The following ACSS3 variants were observed in gnomAD, a reference collection of about 807,000 sequenced individuals.
ACSS3 encodes the protein acyl-CoA synthetase short-chain family member 3, mitochondrial.
In ACSS3, 64 loss-of-function variants were observed where a neutral mutation model predicts 84.2. The observed-to-expected ratio is 0.76, with a 90% confidence interval of 0.62 to 0.94. The LOEUF is 0.94. Among genes scored for constraint, ACSS3 ranks in the 40% least tolerant of loss-of-function variants. The pLI, the probability that ACSS3 is intolerant of heterozygous loss-of-function variation, is 0.00. For synonymous variants in ACSS3, 317 were observed against 310.1 expected (o/e 1.02, Z -0.23); for missense variants, 815 against 867.6 (o/e 0.94, Z 0.76).
chr12:81,171,863 T>A (rs1286293113), intron 7 of ACSS3, among the ~76,000 whole-genome samples: 2 of 152,148 alleles, frequency 1.3e-5, no homozygotes, highest in East Asian at 3.9e-4. Flanking sequence ...CAGGGCTACA[T>A]GGTATAGTCT....
chr12:81,129,829 A>G (rs1454953472), intron 2 of ACSS3, among the ~76,000 whole-genome samples: 2 of 127,262 alleles, frequency 1.6e-5, no homozygotes, highest in Admixed American at 9.6e-5. Flanking sequence ...CCTGTGTCCA[A>G]GTGTTCTCAT....
Position 81,259,639 on chromosome 12 carries a change from G to C in ACSS3, c.*4717G>C. 6.5e-7 allele frequency: 1 copy of C among 1,534,372 alleles called. No individual in the cohort carries two copies. Among genetic ancestry groups the C allele is most frequent in the Non-Finnish European group, 8.7e-7 (1 of 1,145,554 alleles). On this transcript the variant is annotated 3_prime_UTR_variant, in exon 16 of 16. Transcript: ENST00000548058. ...CTTAGATGGTAGTGCACTTTAGGTA[G>C]AGTAGACTGAAAAGACGCCATCTAA...
At chr12:81,216,853 T>C (rs184568245) in intron 9 of ACSS3, 48 bp from the exon 10 acceptor site, 3 of 1,515,036 alleles carry the variant, frequency 2.0e-6, no homozygotes, top group African/African-American at 1.4e-5. Context: ...AGAAACATTA[T>C]GATTCCAAGT....
intron 4 of ACSS3, among the ~76,000 whole-genome samples, chr12:81,141,978 T>C (rs1886116109): frequency 1.3e-5 from 2 of 152,218 alleles, no homozygotes; most frequent in South Asian, 4.1e-4. Context: ...ATCATATTCA[T>C]ACAGGCATCA....
chr12:81,078,428 G>A lies in ACSS3; in HGVS notation c.308G>A (p.Arg103Lys), dbSNP rs1880760130. Residue 103 changes from arginine (R) to lysine (K), a missense_variant, in exon 1 of 16, where the codon AGG (arginine) becomes AAG (lysine). Physicochemically the swap from Arg to Lys is conservative, Grantham distance 26. Transcript: ENST00000548058. ...TLENKHSPST[R>K]WFVEGMLNIC... Reference sequence around the variant, plus strand: ...GAGAACAAACACTCGCCCTCTACCAGGTGGTGAGTGACTTCTGTGCCAACC... The same window carrying A: ...GAGAACAAACACTCGCCCTCTACCAAGTGGTGAGTGACTTCTGTGCCAACC... 1 of 1,612,200 alleles carries A rather than the reference G, an allele frequency of 6.2e-7. No individual in the cohort carries two copies. Among genetic ancestry groups the A allele is most frequent in the South Asian group, 1.1e-5 (1 of 91,064 alleles).
At chr12:81,143,037 T>G in intron 4 of ACSS3, 70 bp from the exon 5 acceptor site, 1 of 1,374,872 alleles carries the variant, frequency 7.3e-7, no homozygotes, top group Non-Finnish European at 9.7e-7. Context: ...TTAAATAGAT[T>G]TAGCTACTTT....
At chr12:81,088,716 G>A (rs34716113) in intron 1 of ACSS3, among the ~76,000 whole-genome samples, 11,767 of 151,960 alleles carry the variant, frequency 0.077, 601 homozygotes, top group South Asian at 0.13. Flanking sequence ...TAGCATCTGT[G>A]CTCCTAAATA....
At chr12:81,179,874 G>C (rs1029035837) in intron 8 of ACSS3, among the ~76,000 whole-genome samples, 2 of 151,774 alleles carry the variant, frequency 1.3e-5, no homozygotes, top group African/African-American at 2.4e-5. Flanking sequence ...ATAAAGAGAA[G>C]ACGTTTAATT....
At chr12:81,184,681 T>C (rs2031149489) in intron 8 of ACSS3, among the ~76,000 whole-genome samples, 1 of 151,634 alleles carries the variant, frequency 6.6e-6, no homozygotes, top group African/African-American at 2.4e-5. Context: ...AGAAAATGGA[T>C]AAATTCCTAG....
intron 1 of ACSS3, among the ~76,000 whole-genome samples, chr12:81,086,770 A>G (rs1286913429): frequency 6.6e-6 from 1 of 152,168 alleles, no homozygotes; most frequent in African/African-American, 2.4e-5. Flanking sequence ...AACAAGCTGC[A>G]ACTCCATGAG....
Position 81,228,371 on chromosome 12 carries a change from T to C in ACSS3, c.1515-2686T>C, listed in dbSNP as rs186315142. 2.2e-3 allele frequency among the ~76,000 whole-genome samples: 334 copies of C among 151,958 alleles called. 3 individuals are homozygous for C. The highest frequency in any genetic ancestry group is 7.9e-3 in the African/African-American group (326 of 41,508). On this transcript the variant is annotated intron_variant, in intron 11 of 15. Transcript: ENST00000548058. The stretch of plus-strand genomic sequence containing the variant: ...CCTTTCTTGTAAGAATGAGTGATGG[T>C]ATGAAAATGTGTATTGTCCTTGTTC...
chr12:81,206,616 A>T (rs1282717321), intron 9 of ACSS3, among the ~76,000 whole-genome samples: 2 of 152,092 alleles, frequency 1.3e-5, no homozygotes, highest in Non-Finnish European at 2.9e-5. Context: ...GACAGCATCC[A>T]TCTGGTGAGA....
chr12:81,257,801 A>AGTT lies in ACSS3; in HGVS notation c.*2880_*2882dup, dbSNP rs1400967557. ...TAAATGGATTTTAGAATCTAGTAGA[A>AGTT]GTTATCTTTCTTATAAATTAAAACA... On this transcript the variant is annotated 3_prime_UTR_variant, in exon 16 of 16. Coordinates refer to ENST00000548058, the MANE Select transcript of ACSS3 (RefSeq NM_024560.4). 3 of 152,110 alleles carry AGTT rather than the reference A, an allele frequency of 2.0e-5. No homozygotes were observed. The highest frequency in any genetic ancestry group is 4.4e-5 in the Non-Finnish European group (3 of 68,004). 9.4% of individuals were successfully genotyped at this position (152,110 alleles called of 1,614,324 possible). A position where few individuals can be genotyped will look rare whatever the true frequency, so the allele number is the denominator to read the frequency against.
intron 1 of ACSS3, among the ~76,000 whole-genome samples, chr12:81,107,694 C>T (rs1301520548): frequency 6.6e-6 from 1 of 151,144 alleles, no homozygotes; most frequent in Admixed American, 6.6e-5. Flanking sequence ...CAAAAATCTC[C>T]GTAAAATGAA....
intron 13 of ACSS3, among the ~76,000 whole-genome samples, chr12:81,248,052 A>G (rs1011028238): frequency 6.6e-6 from 1 of 152,122 alleles, no homozygotes; most frequent in African/African-American, 2.4e-5. Flanking sequence ...ATTGTTAGAA[A>G]GTCATTCATG....
chr12:81,220,505 T>C (rs1435237392), intron 11 of ACSS3, among the ~76,000 whole-genome samples: 1 of 151,998 alleles, frequency 6.6e-6, no homozygotes, highest in Non-Finnish European at 1.5e-5. Flanking sequence ...GTATATTGCA[T>C]AATCCTAGGG....
chr12:81,260,397 G>A lies in ACSS3; in HGVS notation c.*5475G>A, dbSNP rs2035016857. 6.6e-6 allele frequency: 1 copy of A among 152,144 alleles called. No individual in the cohort carries two copies. The highest frequency in any genetic ancestry group is 2.1e-4 in the South Asian group (1 of 4,834). 9.4% of individuals were successfully genotyped at this position (152,144 alleles called of 1,614,324 possible). On this transcript the variant is annotated 3_prime_UTR_variant, in exon 16 of 16. Transcript: ENST00000548058. Reference sequence around the variant, plus strand: ...CCATCACTTAAGAGCTAAGAAGCAAGCACTATTGAACATATTAAATAGTCA... The same window carrying A: ...CCATCACTTAAGAGCTAAGAAGCAAACACTATTGAACATATTAAATAGTCA...
chr12:81,133,955 A>G (rs1157085406), intron 2 of ACSS3, among the ~76,000 whole-genome samples: 2 of 140,626 alleles, frequency 1.4e-5, no homozygotes, highest in Non-Finnish European at 3.1e-5. Context: ...GCCCATGGGA[A>G]GGATTCTTGC....
rs1290087368 is a variant in ACSS3 at position 81,174,970 on chromosome 12, T to A, written c.1250+31T>A. The A allele has an allele frequency of 1.0e-5, 16 of 1,601,714 alleles. No individual in the cohort carries two copies. The Admixed American group carries it at 2.7e-4, about 27-fold the overall frequency. ...GTTGGGATGCACAGGGCAAATGACA[T>A]TAGAAAGTGCAATCAAAATGAATAA... is the stretch of plus-strand genomic sequence containing the variant. On this transcript the variant is annotated intron_variant, in intron 8 of 15. Coordinates refer to ENST00000548058, the MANE Select transcript of ACSS3 (RefSeq NM_024560.4).
Sources: allele counts gnomAD v4.1 joint callset (sites outside exome capture counted in the v4.1 genomes callset), GRCh38; gene constraint gnomAD v4.1.1; transcripts MANE v1.5; gene names NCBI Gene and HGNC (gene_info 2026-07-23, HGNC 2026-07-21).